Variants in STK39 observed in about 807,000 individuals in gnomAD.
The protein encoded by STK39 is STE20/SPS1-related proline-alanine-rich protein kinase.
STK39 carries 20 observed loss-of-function variants against 77.8 expected under a neutral mutation model. The ratio of observed to expected loss-of-function variants is 0.26; its 90% CI spans 0.18 to 0.37. STK39 has a LOEUF of 0.37. Ranked by LOEUF, STK39 falls within the 10% of genes least tolerant of loss-of-function variation. STK39 has a pLI of 1.00. For missense variants in STK39, 479 were observed against 656.5 expected, an observed-to-expected ratio of 0.73 and a Z score of 2.95; for synonymous variants, 246 against 234.1, an observed-to-expected ratio of 1.05 and a Z score of -0.47.
At chr2:168,051,514 G>A (rs771365527) in intron 14 of STK39, among the ~76,000 whole-genome samples, 16 of 152,178 alleles carry the variant, frequency 1.1e-4, no homozygotes, top group Non-Finnish European at 2.1e-4. Flanking sequence ...AGACACGAGA[G>A]TCCCCAAAAC....
intron 1 of STK39, among the ~76,000 whole-genome samples, chr2:168,225,345 T>C (rs964646931): frequency 2.0e-5 from 3 of 150,944 alleles, no homozygotes; most frequent in Non-Finnish European, 4.4e-5. Context: ...CTCTTCTCAA[T>C]ATCCATGGAG....
chr2:168,123,229 G>C (rs1045734402), intron 10 of STK39, among the ~76,000 whole-genome samples: 1 of 152,204 alleles, frequency 6.6e-6, no homozygotes, highest in African/African-American at 2.4e-5. Context: ...TAGATTAAAA[G>C]AGACTACAGG....
chr2:167,996,193 T>C (rs558963697), intron 16 of STK39, among the ~76,000 whole-genome samples: 70 of 152,342 alleles, frequency 4.6e-4, no homozygotes, highest in African/African-American at 1.6e-3. Context: ...TTAAATTTAC[T>C]ATCCACTCTC....
chr2:168,050,358 C>A (rs1213667719), intron 14 of STK39, among the ~76,000 whole-genome samples: 1 of 152,184 alleles, frequency 6.6e-6, no homozygotes, highest in Non-Finnish European at 1.5e-5. Flanking sequence ...AATAATAGCT[C>A]CGAAATACGT....
intron 14 of STK39, among the ~76,000 whole-genome samples, chr2:168,026,993 C>T (rs1684714543): frequency 6.6e-6 from 1 of 152,088 alleles, no homozygotes; most frequent in South Asian, 2.1e-4. Context: ...GATACATGTG[C>T]ATTTATTACT....
intron 10 of STK39, among the ~76,000 whole-genome samples, chr2:168,091,699 T>C (rs1686530036): frequency 2.0e-5 from 3 of 152,200 alleles, no homozygotes; most frequent in Non-Finnish European, 4.4e-5. Context: ...TTTTTTTTAA[T>C]GAAAATGTTC....
chr2:168,069,259 T>C (rs1200419081), intron 12 of STK39, among the ~76,000 whole-genome samples: 2 of 152,216 alleles, frequency 1.3e-5, no homozygotes, highest in South Asian at 2.1e-4. Flanking sequence ...TTAAATGACA[T>C]GTGACAATAG....
At position 168,169,650 on chromosome 2, in the gene STK39, G is replaced by C. The variant is rs151331872; in HGVS notation, c.322-2243C>G. 1.1e-4 allele frequency among the ~76,000 whole-genome samples: 16 copies of C among 152,188 alleles called. No individual in the cohort carries two copies. In the East Asian group the frequency reaches 3.1e-3, roughly 29 times the overall value. On this transcript the variant is annotated intron_variant, in intron 2 of 17. Transcript: ENST00000355999. ...AGTGAGCGTGTGTGTGTGTGTGTGT[G>C]TGTGTGTGTGTAACTCCTTTAGAAA... is the stretch of plus-strand genomic sequence containing the variant.
At chr2:168,247,076 A>AAAAC in intron 1 of STK39, 152 bp downstream of exon 1, 1 of 282,284 alleles carries the variant, frequency 3.5e-6, no homozygotes, top group Non-Finnish European at 5.4e-6. Flanking sequence ...AAAAAAAAAA[A>AAAAC]AAAAAAAAAA....
Position 167,972,258 on chromosome 2 carries a change from T to C in STK39, c.1499-7532A>G, listed in dbSNP as rs1174950067. ...TAAAAGTCACTGTTTATCTCTCTTGTAAAGTTTTAATTACCACAAGAAAAG... is the reference window on the plus strand; with the variant it reads ...TAAAAGTCACTGTTTATCTCTCTTGCAAAGTTTTAATTACCACAAGAAAAG... On this transcript the variant is annotated intron_variant, in intron 16 of 17. Transcript: ENST00000355999. 2.6e-5 allele frequency among the ~76,000 whole-genome samples: 4 copies of C among 152,222 alleles called. No individual in the cohort carries two copies. The East Asian group carries it at 7.7e-4, about 29-fold the overall frequency.
chr2:168,247,352 C>G lies in STK39; in HGVS notation c.84G>C (p.Pro28=). Residue 28 remains proline (P), a synonymous_variant, in exon 1 of 18, where the codon CCG becomes CCC. Coordinates refer to ENST00000355999, the MANE Select transcript of STK39 (RefSeq NM_013233.3). ...GGGCCGGCGCTGCTGTCGCGGCCGCCGGGGCCGCCGCCGCCGCCGCTGTCA... is the reference window on the plus strand; with the variant it reads ...GGGCCGGCGCTGCTGTCGCGGCCGCGGGGGCCGCCGCCGCCGCCGCTGTCA... The part of the protein sequence containing the change: ...APVTAAAAAA[P]AAATAAPAPA... The G allele has an allele frequency of 9.5e-7, 1 of 1,055,220 alleles. No individual in the cohort carries two copies. Among genetic ancestry groups the G allele is most frequent in the Non-Finnish European group, 1.1e-6 (1 of 873,700 alleles). 65.4% of individuals were successfully genotyped at this position (1,055,220 alleles called of 1,614,324 possible).
chr2:168,180,101 C>G (rs1689047897), intron 2 of STK39, among the ~76,000 whole-genome samples: 1 of 152,302 alleles, frequency 6.6e-6, no homozygotes, highest in African/African-American at 2.4e-5. Flanking sequence ...AATCCCAGCA[C>G]TGTGGGAGGC....
chr2:168,022,770 T>C (rs913731171), intron 14 of STK39, among the ~76,000 whole-genome samples: 1 of 152,136 alleles, frequency 6.6e-6, no homozygotes. Flanking sequence ...TTTAAGGATC[T>C]ACTAAAAAGA....
chr2:168,053,807 A>G (rs1007373532), intron 14 of STK39, among the ~76,000 whole-genome samples: 1 of 152,208 alleles, frequency 6.6e-6, no homozygotes, highest in Non-Finnish European at 1.5e-5. Flanking sequence ...TATGTATACT[A>G]TCTCCCTATA....
At chr2:168,046,449 AG>A (rs1390811573) in intron 14 of STK39, among the ~76,000 whole-genome samples, 1 of 152,230 alleles carries the variant, frequency 6.6e-6, no homozygotes, top group Non-Finnish European at 1.5e-5. Flanking sequence ...GCAGCCGTTC[AG>A]CATCCACGCA....
At chr2:168,131,330 C>T (rs577837755) in intron 8 of STK39, among the ~76,000 whole-genome samples, 2 of 152,126 alleles carry the variant, frequency 1.3e-5, no homozygotes, top group East Asian at 1.9e-4. Flanking sequence ...TATTGAATAT[C>T]ATTAGGTATT....
chr2:168,043,330 T>C (rs1685156899), intron 14 of STK39, among the ~76,000 whole-genome samples: 1 of 152,024 alleles, frequency 6.6e-6, no homozygotes, highest in South Asian at 2.1e-4. Context: ...CACTCATCAA[T>C]AACTAATAGA....
chr2:168,140,978 G>A (rs1483017920), intron 5 of STK39, among the ~76,000 whole-genome samples: 5 of 152,026 alleles, frequency 3.3e-5, no homozygotes, highest in African/African-American at 7.2e-5. Flanking sequence ...CAAGCCTGCC[G>A]GTCCAAAAGC....
intron 10 of STK39, among the ~76,000 whole-genome samples, chr2:168,086,170 T>C (rs761681165): frequency 6.6e-6 from 1 of 152,236 alleles, no homozygotes; most frequent in Non-Finnish European, 1.5e-5. Flanking sequence ...CTGAATGTGT[T>C]TTCATTTTGT....
Sources: allele counts gnomAD v4.1 joint callset (sites outside exome capture counted in the v4.1 genomes callset), GRCh38; gene constraint gnomAD v4.1.1; transcripts MANE v1.5; gene names NCBI Gene and HGNC (gene_info 2026-07-23, HGNC 2026-07-21).